Variants in ERBB4 observed in about 807,000 individuals in gnomAD.
ERBB4 encodes the protein erb-b2 receptor tyrosine kinase 4.
Under a neutral mutation model 158.0 loss-of-function variants are expected in ERBB4, and 42 were observed. The ratio of observed to expected loss-of-function variants is 0.27; its 90% CI spans 0.21 to 0.34. The LOEUF (loss-of-function observed/expected upper bound fraction) is 0.34. ERBB4 is among the 10% of genes least tolerant of loss of function. ERBB4 has a pLI of 1.00. For missense variants in ERBB4, 1,333 were observed against 1,624.1 expected, an observed-to-expected ratio of 0.82 and a Z score of 3.08; for synonymous variants, 583 against 558.7, an observed-to-expected ratio of 1.04 and a Z score of -0.61.
At chr2:211,919,545 A>G (rs1036028861) in intron 3 of ERBB4, among the ~76,000 whole-genome samples, 2 of 152,114 alleles carry the variant, frequency 1.3e-5, no homozygotes, top group East Asian at 3.8e-4. Flanking sequence ...ATGAACACGC[A>G]GAGTTCTTAT....
At chr2:212,248,306 C>T (rs1000615406) in intron 1 of ERBB4, among the ~76,000 whole-genome samples, 1 of 152,194 alleles carries the variant, frequency 6.6e-6, no homozygotes, top group South Asian at 2.1e-4. Context: ...TGTGGTAGAG[C>T]TTTATATGCA....
intron 1 of ERBB4, among the ~76,000 whole-genome samples, chr2:212,498,119 T>C (rs1690683106): frequency 7.3e-6 from 1 of 136,810 alleles, no homozygotes; most frequent in Admixed American, 6.9e-5. Flanking sequence ...CATATCTATG[T>C]GTGTGTGTGT....
At chr2:212,280,997 G>T (rs1303119364) in intron 1 of ERBB4, among the ~76,000 whole-genome samples, 1 of 151,666 alleles carries the variant, frequency 6.6e-6, no homozygotes, top group Non-Finnish European at 1.5e-5. Flanking sequence ...ATGAAATTAA[G>T]CAGGAAAAAG....
Position 212,191,766 on chromosome 2 carries a change from T to TAC in ERBB4, c.83-66864_83-66863insGT, listed in dbSNP as rs1491117894. 1.4e-3 allele frequency among the ~76,000 whole-genome samples: 191 copies of TAC among 139,690 alleles called. 9 individuals carry two copies. The highest frequency in any genetic ancestry group is 5.0e-3 in the African/African-American group (179 of 35,730). 91.6% of individuals were successfully genotyped at this position (139,690 alleles called of 152,430 possible). On this transcript the variant is annotated intron_variant, in intron 1 of 27. Coordinates refer to ENST00000342788, the MANE Select transcript of ERBB4 (RefSeq NM_005235.3). ...TACATATAACACGTGTTATACATGT[T>TAC]ATATATAACACGTGTGTTATATGTT...
intron 5 of ERBB4, among the ~76,000 whole-genome samples, chr2:211,748,264 T>A (rs1225016567): frequency 6.6e-6 from 1 of 152,010 alleles, no homozygotes; most frequent in Admixed American, 6.5e-5. Context: ...GTAATTATTT[T>A]AATTGTAATA....
At chr2:211,872,448 A>G (rs2078376822) in intron 3 of ERBB4, among the ~76,000 whole-genome samples, 1 of 152,146 alleles carries the variant, frequency 6.6e-6, no homozygotes, top group African/African-American at 2.4e-5. Flanking sequence ...GAGAACACCA[A>G]TTTTTCTGAC....
At chr2:211,918,173 G>A (rs1004244178) in intron 3 of ERBB4, among the ~76,000 whole-genome samples, 1 of 152,136 alleles carries the variant, frequency 6.6e-6, no homozygotes, top group African/African-American at 2.4e-5. Flanking sequence ...GATCAGGTAA[G>A]AAGTTAATTT....
At chr2:211,856,366 C>CTATTTATT (rs33972622) in intron 3 of ERBB4, among the ~76,000 whole-genome samples, 66,985 of 140,258 alleles carry the variant, frequency 0.48, 16,892 homozygotes, top group Middle Eastern at 0.61. Context: ...CTTGTAATTT[C>CTATTTATT]TATTTATTTA....
At chr2:211,753,080 G>C (rs7601502) in intron 4 of ERBB4, among the ~76,000 whole-genome samples, 1 of 152,066 alleles carries the variant, frequency 6.6e-6, no homozygotes. Flanking sequence ...AATGGTGCAA[G>C]ACATGGCACT....
chr2:211,779,059 T>C (rs986448971), intron 4 of ERBB4: 1 of 152,182 alleles, frequency 6.6e-6, no homozygotes, highest in Non-Finnish European at 1.5e-5. Flanking sequence ...CATAGAGCCA[T>C]GATATCAATT....
intron 1 of ERBB4, among the ~76,000 whole-genome samples, chr2:212,525,671 T>A (rs938774882): frequency 1.3e-5 from 2 of 152,040 alleles, no homozygotes; most frequent in Non-Finnish European, 2.9e-5. Context: ...CTCACACTAG[T>A]TAAACCTCAT....
chr2:212,328,686 T>C (rs1241707373), intron 1 of ERBB4, among the ~76,000 whole-genome samples: 1 of 152,062 alleles, frequency 6.6e-6, no homozygotes, highest in Non-Finnish European at 1.5e-5. Context: ...GAATTCATAC[T>C]GATATTCTGA....
rs1176166580 is a variant in ERBB4, at chr2:212,419,335, G to A, written c.82+119114C>T. 2.6e-5 allele frequency among the ~76,000 whole-genome samples: 4 copies of A among 151,968 alleles called. No individual in the cohort carries two copies. In the East Asian group the frequency reaches 7.7e-4, roughly 29 times the overall value. On this transcript the variant is annotated intron_variant, in intron 1 of 27. Transcript: ENST00000342788. ...GTTGCCTGCATTTGAAAGTAGTGAA[G>A]ACAAACATATTAAATAGGAAAATTT...
intron 1 of ERBB4, among the ~76,000 whole-genome samples, chr2:212,286,153 T>C (rs1361923444): frequency 6.6e-6 from 1 of 152,154 alleles, no homozygotes; most frequent in Non-Finnish European, 1.5e-5. Context: ...TAATTCAGGG[T>C]TACTTGTTAA....
intron 16 of ERBB4, among the ~76,000 whole-genome samples, chr2:211,637,295 T>C (rs2070397013): frequency 6.6e-6 from 1 of 152,002 alleles, no homozygotes; most frequent in Non-Finnish European, 1.5e-5. Context: ...CAAATTCTTA[T>C]AATTCATTCA....
chr2:212,213,393 G>T (rs1019232383), intron 1 of ERBB4, among the ~76,000 whole-genome samples: 1 of 151,764 alleles, frequency 6.6e-6, no homozygotes, highest in Non-Finnish European at 1.5e-5. Context: ...TGAGGGTTTA[G>T]TGGTAAACTA....
intron 2 of ERBB4, among the ~76,000 whole-genome samples, chr2:212,013,640 G>A (rs773560328): frequency 6.8e-4 from 104 of 152,188 alleles, no homozygotes; most frequent in Non-Finnish European, 1.2e-3. Flanking sequence ...TCACACAGAA[G>A]AAGAGATAGA....
intron 19 of ERBB4, among the ~76,000 whole-genome samples, chr2:211,571,431 G>A (rs753368552): frequency 6.6e-6 from 1 of 151,624 alleles, no homozygotes; most frequent in Non-Finnish European, 1.5e-5. Flanking sequence ...TTTTTCTCTC[G>A]AGATAAAAAA....
At chr2:211,441,429 C>T (rs893941163) in intron 20 of ERBB4, among the ~76,000 whole-genome samples, 6 of 152,158 alleles carry the variant, frequency 3.9e-5, no homozygotes. Context: ...ACAAATTTCA[C>T]TGTTTCTTGG....
Sources: gnomAD v4.1 joint callset for allele counts (sites outside exome capture counted in the v4.1 genomes callset) on GRCh38, gnomAD v4.1.1 for gene constraint, MANE v1.5 for transcripts, NCBI Gene and HGNC (gene_info 2026-07-23, HGNC 2026-07-21) for gene names.